The following COMMD1 variants were observed in gnomAD, a reference collection of about 807,000 sequenced individuals.
COMMD1 encodes COMM domain-containing protein 1.
A neutral mutation model predicts 17.2 loss-of-function variants in COMMD1; 10 were observed. That is an observed-to-expected ratio of 0.58 (90% confidence interval 0.36 to 0.99). The LOEUF (loss-of-function observed/expected upper bound fraction) is 0.99. Ranked by LOEUF, COMMD1 falls within the 50% of genes least tolerant of loss-of-function variation. The probability of loss-of-function intolerance (pLI) is 0.01; values close to 1 mark genes in which losing one functional copy is unlikely to be tolerated. For synonymous variants in COMMD1, 97 were observed against 91.6 expected (o/e 1.06, Z -0.34); for missense variants, 270 against 231.8 (o/e 1.17, Z -1.07).
intron 1 of COMMD1, among the ~76,000 whole-genome samples, chr2:61,921,583 A>G (rs934904628): frequency 6.6e-6 from 1 of 152,158 alleles, no homozygotes; most frequent in Admixed American, 6.5e-5. Flanking sequence ...AGCTGGGACT[A>G]TAGGGGCCTG....
intron 2 of COMMD1, among the ~76,000 whole-genome samples, chr2:62,130,096 A>T (rs1672985230): frequency 1.3e-5 from 2 of 149,638 alleles, no homozygotes; most frequent in Admixed American, 6.7e-5. Context: ...AACGGCGTGA[A>T]CCCGGGAGGC....
intron 1 of COMMD1, among the ~76,000 whole-genome samples, chr2:61,900,159 A>G (rs1041552758): frequency 6.6e-6 from 1 of 152,230 alleles, no homozygotes; most frequent in Non-Finnish European, 1.5e-5. Flanking sequence ...AACTTTGAGT[A>G]AGTGGTCCTG....
chr2:61,931,150 A>G (rs1037330783), intron 1 of COMMD1, among the ~76,000 whole-genome samples: 9 of 151,976 alleles, frequency 5.9e-5, no homozygotes, highest in African/African-American at 2.2e-4. Flanking sequence ...CATCTCTACA[A>G]AAAATAGAAA....
At chr2:61,947,072 T>C (rs1007050912) in intron 1 of COMMD1, among the ~76,000 whole-genome samples, 2 of 152,214 alleles carry the variant, frequency 1.3e-5, no homozygotes, top group Admixed American at 6.5e-5. Flanking sequence ...ATTTTATGAA[T>C]ATAGCATCTC....
intron 2 of COMMD1, among the ~76,000 whole-genome samples, chr2:62,031,045 G>A (rs1203314968): frequency 6.6e-6 from 1 of 152,132 alleles, no homozygotes; most frequent in East Asian, 1.9e-4. Context: ...ACTAATAAGA[G>A]AGAGAATGCA....
chr2:62,042,411 T>G (rs1314467893), intron 2 of COMMD1, among the ~76,000 whole-genome samples: 1 of 152,164 alleles, frequency 6.6e-6, no homozygotes. Context: ...CCAGCCGGCT[T>G]TACCTCTCAA....
intron 2 of COMMD1, among the ~76,000 whole-genome samples, chr2:62,052,179 G>C (rs192253594): frequency 3.9e-5 from 6 of 152,238 alleles, no homozygotes; most frequent in South Asian, 2.1e-4. Flanking sequence ...GGCCCAGCAC[G>C]GTGGCTCATG....
At chr2:61,952,424 C>T (rs1238438090) in intron 1 of COMMD1, among the ~76,000 whole-genome samples, 1 of 152,114 alleles carries the variant, frequency 6.6e-6, no homozygotes, top group Non-Finnish European at 1.5e-5. Flanking sequence ...TAATGTAGAA[C>T]CTAAGATTGG....
intron 2 of COMMD1, among the ~76,000 whole-genome samples, chr2:62,016,529 A>G (rs1248055245): frequency 2.1e-5 from 3 of 144,964 alleles, no homozygotes; most frequent in Non-Finnish European, 3.0e-5. Context: ...TTTTTTTCCT[A>G]CACCAAACAC....
intron 2 of COMMD1, among the ~76,000 whole-genome samples, chr2:62,079,248 G>A (rs1407116317): frequency 6.6e-6 from 1 of 152,148 alleles, no homozygotes; most frequent in Non-Finnish European, 1.5e-5. Flanking sequence ...AGACACAGTA[G>A]GGCGTTCCTG....
chr2:62,075,485 T>C (rs1042395329), intron 2 of COMMD1, among the ~76,000 whole-genome samples: 11 of 152,214 alleles, frequency 7.2e-5, no homozygotes, highest in African/African-American at 2.7e-4. Flanking sequence ...ATCTATAATG[T>C]ATCACCCTCT....
chr2:61,924,700 A>G (rs1670283135), intron 1 of COMMD1, among the ~76,000 whole-genome samples: 1 of 152,206 alleles, frequency 6.6e-6, no homozygotes, highest in Admixed American at 6.5e-5. Context: ...GTCCCGTTTC[A>G]GGCTATTGGG....
chr2:62,011,042 A>C (rs1669264084), intron 2 of COMMD1, among the ~76,000 whole-genome samples: 1 of 152,180 alleles, frequency 6.6e-6, no homozygotes, highest in African/African-American at 2.4e-5. Context: ...AGGGATCTTC[A>C]GGACCTGTAT....
At chr2:61,968,193 G>A (rs1443295038) in intron 1 of COMMD1, among the ~76,000 whole-genome samples, 6 of 152,142 alleles carry the variant, frequency 3.9e-5, no homozygotes, top group Middle Eastern at 3.4e-3. Context: ...GCCGCTTGGT[G>A]CCAAACATAG....
Position 62,082,584 on chromosome 2 carries a change from G to A in COMMD1, c.463-53247G>A, listed in dbSNP as rs1347262084. Among the ~76,000 whole-genome samples, 6 of 152,278 alleles carry A rather than the reference G, an allele frequency of 3.9e-5. No individual in the cohort carries two copies. In the South Asian group the frequency reaches 1.0e-3, roughly 26 times the overall value. On this transcript the variant is annotated intron_variant, in intron 2 of 2. Coordinates refer to ENST00000311832, the MANE Select transcript of COMMD1 (RefSeq NM_152516.4). ...TTTAAAATTTTAGGCTGTCTTGGCC[G>A]GGTGCGGTGGCTCACACCTGTAATC...
intron 1 of COMMD1, among the ~76,000 whole-genome samples, chr2:61,948,340 C>A (rs1670963750): frequency 6.6e-6 from 1 of 152,102 alleles, no homozygotes; most frequent in Non-Finnish European, 1.5e-5. Context: ...TCCAAAAACA[C>A]ATACATTTAA....
intron 2 of COMMD1, among the ~76,000 whole-genome samples, chr2:62,095,541 A>G (rs1170693702): frequency 6.6e-6 from 1 of 151,980 alleles, no homozygotes; most frequent in Admixed American, 6.6e-5. Flanking sequence ...GTAGCAACCT[A>G]TATGTACATC....
chr2:61,923,502 T>C (rs1445851034), intron 1 of COMMD1, among the ~76,000 whole-genome samples: 1 of 151,856 alleles, frequency 6.6e-6, no homozygotes, highest in Non-Finnish European at 1.5e-5. Context: ...ATAACAGCTT[T>C]TAAGTTAGGA....
chr2:61,921,404 C>T (rs917661881), intron 1 of COMMD1, among the ~76,000 whole-genome samples: 3 of 152,102 alleles, frequency 2.0e-5, no homozygotes, highest in Non-Finnish European at 2.9e-5. Flanking sequence ...TACTGTTGGT[C>T]ATTGTTTCTG....
Sources: allele counts gnomAD v4.1 joint callset (sites outside exome capture counted in the v4.1 genomes callset), GRCh38; gene constraint gnomAD v4.1.1; transcripts MANE v1.5; gene names NCBI Gene and HGNC (gene_info 2026-07-23, HGNC 2026-07-21).